The following RABGAP1L variants were observed in gnomAD, a reference collection of about 807,000 sequenced individuals.
The protein encoded by RABGAP1L is RAB GTPase activating protein 1 like.
RABGAP1L carries 63 observed loss-of-function variants against 137.7 expected under a neutral mutation model. That is an observed-to-expected ratio of 0.46 (90% confidence interval 0.37 to 0.56). The LOEUF (loss-of-function observed/expected upper bound fraction) is 0.56. Among genes scored for constraint, RABGAP1L ranks in the 20% least tolerant of loss-of-function variants. The probability of loss-of-function intolerance (pLI) is 0.00; values close to 1 mark genes in which losing one functional copy is unlikely to be tolerated. For synonymous variants in RABGAP1L, 431 were observed against 433.7 expected, an observed-to-expected ratio of 0.99 and a Z score of 0.08; for missense variants, 1,095 against 1,244.0, an observed-to-expected ratio of 0.88 and a Z score of 1.80.
chr1:174,930,106 C>T (rs1304192331), intron 19 of RABGAP1L, among the ~76,000 whole-genome samples: 1 of 151,348 alleles, frequency 6.6e-6, no homozygotes, highest in Admixed American at 6.6e-5. Flanking sequence ...ACCTTGTGCT[C>T]CCAAAGTGTT....
intron 14 of RABGAP1L, among the ~76,000 whole-genome samples, chr1:174,669,316 T>G (rs780569084): frequency 1.4e-4 from 22 of 152,168 alleles, no homozygotes; most frequent in Non-Finnish European, 4.4e-5. Context: ...TCACCTGGTC[T>G]CTCCCTTGGC....
intron 19 of RABGAP1L, among the ~76,000 whole-genome samples, chr1:174,882,767 A>C (rs1390314214): frequency 1.3e-5 from 2 of 152,104 alleles, no homozygotes. Context: ...AATTACCTAG[A>C]CCAATATTGT....
chr1:174,181,285 C>T (rs1341451933), intron 1 of RABGAP1L, among the ~76,000 whole-genome samples: 3 of 151,836 alleles, frequency 2.0e-5, no homozygotes, highest in African/African-American at 7.3e-5. Flanking sequence ...GAATTATGTG[C>T]ATGTGCCACT....
chr1:174,962,991 C>G (rs1669300212), intron 20 of RABGAP1L, among the ~76,000 whole-genome samples: 1 of 151,928 alleles, frequency 6.6e-6, no homozygotes, highest in South Asian at 2.1e-4. Context: ...CCCAGCTACT[C>G]AGTAGGCTGA....
intron 13 of RABGAP1L, among the ~76,000 whole-genome samples, chr1:174,619,921 C>T (rs1449977554): frequency 9.9e-5 from 15 of 152,048 alleles, no homozygotes; most frequent in Admixed American, 9.2e-4. Context: ...CACACATAGG[C>T]TCACAATAAG....
intron 1 of RABGAP1L, among the ~76,000 whole-genome samples, chr1:174,187,075 T>C (rs1005773716): frequency 2.0e-5 from 3 of 152,190 alleles, no homozygotes; most frequent in Non-Finnish European, 4.4e-5. Flanking sequence ...TTTCCACATA[T>C]TGTTCCCATA....
At chr1:174,865,189 A>G (rs1650991140) in intron 19 of RABGAP1L, among the ~76,000 whole-genome samples, 1 of 152,200 alleles carries the variant, frequency 6.6e-6, no homozygotes, top group Non-Finnish European at 1.5e-5. Context: ...AGTAAAAAGA[A>G]CACATAGTTG....
At chr1:174,654,918 T>C (rs1675851828) in intron 14 of RABGAP1L, among the ~76,000 whole-genome samples, 2 of 148,148 alleles carry the variant, frequency 1.3e-5, no homozygotes, top group Admixed American at 6.7e-5. Context: ...CCCCAGCATA[T>C]AGGACAAATG....
intron 24 of RABGAP1L, among the ~76,000 whole-genome samples, chr1:174,986,169 C>T (rs866174226): frequency 3.3e-5 from 5 of 152,110 alleles, no homozygotes; most frequent in East Asian, 1.9e-4. Flanking sequence ...AGGCTGGTCT[C>T]GAACTCCTGA....
At chr1:174,915,656 C>G (rs1302530735) in intron 19 of RABGAP1L, among the ~76,000 whole-genome samples, 2 of 152,168 alleles carry the variant, frequency 1.3e-5, no homozygotes, top group Non-Finnish European at 2.9e-5. Flanking sequence ...GGGGTTTCAC[C>G]ATGTTGGCCA....
At chr1:174,645,364 T>G (rs558279912) in intron 14 of RABGAP1L, among the ~76,000 whole-genome samples, 1 of 151,956 alleles carries the variant, frequency 6.6e-6, no homozygotes, top group Non-Finnish European at 1.5e-5. Context: ...CATTAGGTAT[T>G]TCTCCTAATG....
At chr1:174,921,051 T>C (rs556017388) in intron 19 of RABGAP1L, among the ~76,000 whole-genome samples, 25 of 152,344 alleles carry the variant, frequency 1.6e-4, no homozygotes, top group African/African-American at 5.8e-4. Flanking sequence ...GCTTCCTAAG[T>C]GGCTGGGATT....
intron 21 of RABGAP1L, among the ~76,000 whole-genome samples, chr1:174,974,074 C>T (rs749081045): frequency 1.6e-4 from 24 of 150,266 alleles, no homozygotes; most frequent in African/African-American, 5.4e-4. Flanking sequence ...CTGCAAGCTC[C>T]GCCTCCTGGT....
intron 11 of RABGAP1L, among the ~76,000 whole-genome samples, chr1:174,350,598 C>G (rs1232149549): frequency 9.8e-6 from 1 of 101,774 alleles, no homozygotes; most frequent in Non-Finnish European, 2.0e-5. Flanking sequence ...ACGCTCCTCA[C>G]TTTCCAGACT....
At chr1:174,968,210 A>G (rs1448680604) in intron 20 of RABGAP1L, among the ~76,000 whole-genome samples, 1 of 152,216 alleles carries the variant, frequency 6.6e-6, no homozygotes, top group Non-Finnish European at 1.5e-5. Flanking sequence ...ATCTTCCAAA[A>G]CATATATTTG....
At chr1:174,579,421 A>C (rs1178297537) in intron 13 of RABGAP1L, among the ~76,000 whole-genome samples, 1 of 152,132 alleles carries the variant, frequency 6.6e-6, no homozygotes, top group Non-Finnish European at 1.5e-5. Context: ...GTCCATTGTG[A>C]ATCTCTTTAA....
rs945200095 is a variant in RABGAP1L, at chr1:174,371,622, T to G, written c.1559+550T>G. Among the ~76,000 whole-genome samples the G allele has an allele frequency of 5.9e-5, 9 of 152,130 alleles. 1 individual carries two copies. Among genetic ancestry groups the G allele is most frequent in the African/African-American group, 9.6e-5 (4 of 41,456 alleles). On this transcript the variant is annotated intron_variant, in intron 12 of 25. Coordinates refer to ENST00000681986, the MANE Select transcript of RABGAP1L (RefSeq NM_001366446.1). Reference sequence around the variant, plus strand: ...TATTATATTAAGTACTTTTTATATTTATGATACATTTTTTAAAATGGTAAT... The same window carrying G: ...TATTATATTAAGTACTTTTTATATTGATGATACATTTTTTAAAATGGTAAT...
At chr1:174,619,805 T>C (rs971650780) in intron 13 of RABGAP1L, among the ~76,000 whole-genome samples, 4 of 152,166 alleles carry the variant, frequency 2.6e-5, no homozygotes, top group African/African-American at 7.2e-5. Flanking sequence ...ACTTTACATG[T>C]AAATGGAATA....
chr1:174,696,764 C>T lies in RABGAP1L; in HGVS notation c.1900-2761C>T, dbSNP rs773105178. On this transcript the variant is annotated intron_variant, in intron 15 of 25. Transcript: ENST00000681986. ...GGGGATAGGATAGGTGTGGTGTAGA[C>T]GATGTAAGACTGTTTTTTCTATCCT... Among the ~76,000 whole-genome samples the T allele has an allele frequency of 5.9e-5, 9 of 152,092 alleles. No homozygotes were observed. The East Asian group carries it at 7.7e-4, about 13-fold the overall frequency.
Sources: allele counts gnomAD v4.1 joint callset (sites outside exome capture counted in the v4.1 genomes callset), GRCh38; gene constraint gnomAD v4.1.1; transcripts MANE v1.5; gene names NCBI Gene and HGNC (gene_info 2026-07-23, HGNC 2026-07-21).